TBC1D26: variants seen among roughly 807,000 people sequenced by gnomAD.
TBC1D26 encodes TBC1 domain family, member 26.
TBC1D26 carries 19 observed loss-of-function variants against 42.5 expected under a neutral mutation model. That is an observed-to-expected ratio of 0.45 (90% confidence interval 0.31 to 0.66). The LOEUF is 0.66. Among genes scored for constraint, TBC1D26 ranks in the 30% least tolerant of loss-of-function variants. The probability of loss-of-function intolerance (pLI) is 0.06; values close to 1 mark genes in which losing one functional copy is unlikely to be tolerated. For missense variants in TBC1D26, 228 were observed against 332.6 expected (o/e 0.69, Z 2.45); for synonymous variants, 97 against 123.5 (o/e 0.79, Z 1.42).
chr17:15,736,482 A>C (rs1967617410), intron 4 of TBC1D26: 3 of 151,596 alleles, frequency 2.0e-5, no homozygotes, highest in Admixed American at 1.3e-4. Context: ...TCAGTGGGGG[A>C]ACTTGGTCAG....
intron 9 of TBC1D26, 33 bp downstream of exon 9, chr17:15,740,181 C>T (rs780594155): frequency 2.5e-6 from 4 of 1,614,146 alleles, no homozygotes; most frequent in Non-Finnish European, 3.4e-6. Context: ...ATTCCTGGGA[C>T]ATGTGCCCAT....
At chr17:15,739,383 G>T (rs1163109078) in intron 8 of TBC1D26, among the ~76,000 whole-genome samples, 2 of 152,368 alleles carry the variant, frequency 1.3e-5, no homozygotes, top group East Asian at 3.9e-4. Flanking sequence ...AGTAAAACCC[G>T]CATGTGACGT....
rs1967791354 is a variant in TBC1D26, at chr17:15,741,831, G to A, written c.647-111G>A. The A allele has an allele frequency of 4.0e-6, 4 of 988,094 alleles. No homozygotes were observed. The South Asian group carries it at 4.6e-5, about 11-fold the overall frequency. The allele number at this position is 988,094 out of a possible 1,614,324, so 61.2% of individuals were successfully genotyped here. A position where few individuals can be genotyped will look rare whatever the true frequency, so the allele number is the denominator to read the frequency against. ...TACATGCTGGGGTCACCACATGGGA[G>A]GGAGGGAGGCCTCGGGGTCTGGGGT... On this transcript the variant is annotated intron_variant, in intron 10 of 14. Transcript: ENST00000437605.
chr17:15,740,599 G>A (rs1967751314), intron 9 of TBC1D26: 11 of 1,089,218 alleles, frequency 1.0e-5, no homozygotes, highest in East Asian at 6.9e-5. Context: ...GGTCACCCAG[G>A]TGGCTGTTCC....
chr17:15,741,431 G>C (rs62072380), intron 10 of TBC1D26: 290,811 of 773,752 alleles, frequency 0.38, 56,470 homozygotes, highest in Middle Eastern at 0.41. Flanking sequence ...AAGTCAGACG[G>C]CTTTCATCCC....
chr17:15,734,836 T>G (rs2151497044), intron 1 of TBC1D26, 94 bp from the exon 2 acceptor site: 1 of 179,506 alleles, frequency 5.6e-6, no homozygotes, highest in East Asian at 1.7e-4. Flanking sequence ...ACCAAACTGC[T>G]TGGCTGGCGT....
chr17:15,733,639 C>T (rs1884913973), intron 1 of TBC1D26: 1 of 152,288 alleles, frequency 6.6e-6, no homozygotes, highest in South Asian at 2.1e-4. Flanking sequence ...TGGCCAGAGA[C>T]GCTGCTCGTG....
Position 15,738,001 on chromosome 17 carries a change from G to C in TBC1D26, c.203G>C (p.Arg68Thr), listed in dbSNP as rs1467047721. ...CCATCATGGCTCATTTGACAGCAAAGACGCAAGGAAAGTAAACGTACCAAC... is the reference window on the plus strand; with the variant it reads ...CCATCATGGCTCATTTGACAGCAAACACGCAAGGAAAGTAAACGTACCAAC... ...PHVSALEVKQ[R>T]RKESKRTNKW... The change falls in exon 6 of 15, where the codon AGA (arginine) becomes ACA (threonine). Residue 68 changes from arginine to threonine, a missense_variant. Arg to Thr is a moderately conservative substitution (Grantham distance 71). Transcript: ENST00000437605. The C allele has an allele frequency of 6.2e-7, 1 of 1,613,996 alleles. No homozygotes were observed. The highest frequency in any genetic ancestry group is 8.5e-7 in the Non-Finnish European group (1 of 1,179,984).
At chr17:15,741,047 TG>T in intron 9 of TBC1D26, 74 bp from the exon 10 acceptor site, 9 of 1,584,706 alleles carry the variant, frequency 5.7e-6, no homozygotes, top group Non-Finnish European at 3.4e-6. Flanking sequence ...GTGCCACCTC[TG>T]GTGACATAAG....
intron 1 of TBC1D26, among the ~76,000 whole-genome samples, chr17:15,734,388 G>A (rs1180222676): frequency 1.1e-4 from 17 of 152,148 alleles, no homozygotes; most frequent in Admixed American, 1.1e-3. Flanking sequence ...CCTAAAGTGC[G>A]ATCACTGATG....
At chr17:15,737,362 C>T (rs1285834128) in intron 4 of TBC1D26, 122 bp from the exon 5 acceptor site, 5 of 1,271,776 alleles carry the variant, frequency 3.9e-6, no homozygotes, top group Non-Finnish European at 5.5e-6. Context: ...TTCTCTGTGC[C>T]TTGTCCCAGG....
chr17:15,741,586 G>A (rs1967781932), intron 10 of TBC1D26: 5 of 461,310 alleles, frequency 1.1e-5, no homozygotes, highest in Non-Finnish European at 2.0e-5. Context: ...CCTCCCTACA[G>A]ATGGGCCAAC....
chr17:15,738,046 C>T lies in TBC1D26; in HGVS notation c.248C>T (p.Ala83Val), dbSNP rs776426863. 3.1e-6 allele frequency: 5 copies of T among 1,614,216 alleles called. No individual in the cohort carries two copies. ...ACCAACAAGTGGCAAAAGATGCTTG[C>T]AGACTGGACAAAATATAGGAGCACC... The part of the protein sequence containing the change: ...KRTNKWQKML[A>V]DWTKYRSTKK... Residue 83 changes from alanine to valine, a missense_variant, in exon 6 of 15, where the codon GCA becomes GTA. Coordinates refer to ENST00000437605, the MANE Select transcript of TBC1D26 (RefSeq NM_001388465.1).
At chr17:15,743,893 A>G (rs117741108) in intron 14 of TBC1D26, 3,490 of 151,564 alleles carry the variant, frequency 0.023, 82 homozygotes, top group Non-Finnish European at 0.035. Flanking sequence ...AGGAGGCGGG[A>G]CTTGCAGTCA....
intron 4 of TBC1D26, among the ~76,000 whole-genome samples, chr17:15,736,881 G>A (rs1340555906): frequency 2.6e-5 from 4 of 152,290 alleles, no homozygotes; most frequent in Non-Finnish European, 4.4e-5. Flanking sequence ...CAGGGTGGCC[G>A]GAGAGAGGGT....
rs1266582307 is a variant in TBC1D26, at chr17:15,742,978, A to G, written c.877A>G (p.Met293Val). 6.5e-6 allele frequency: 1 copy of G among 153,792 alleles called. No homozygotes were observed. Among genetic ancestry groups the G allele is most frequent in the East Asian group, 1.9e-4 (1 of 5,194 alleles). 9.5% of individuals were successfully genotyped at this position (153,792 alleles called of 1,614,324 possible). The change falls in exon 13 of 15, where the codon ATG becomes GTG. Residue 293 changes from methionine to valine, a missense_variant. By Grantham distance (21) the Met-to-Val change is conservative (BLOSUM62 1). Coordinates refer to ENST00000437605, the MANE Select transcript of TBC1D26 (RefSeq NM_001388465.1). Reference sequence around the variant, plus strand: ...GGAGGGCGCGCGGGTACTGACAGCCATGGTGCATGCATCATTCAAAATACA... The same window carrying G: ...GGAGGGCGCGCGGGTACTGACAGCCGTGGTGCATGCATCATTCAAAATACA... ...ILEGARVLTA[M>V]VHASFKIHRK...
intron 10 of TBC1D26, 40 bp downstream of exon 10, chr17:15,741,261 C>CG: frequency 6.2e-7 from 1 of 1,611,570 alleles, no homozygotes; most frequent in South Asian, 1.1e-5. Flanking sequence ...CAGCTGCCCC[C>CG]GGGGCCTTAC....
intron 14 of TBC1D26, 105 bp from the exon 15 acceptor site, chr17:15,744,138 C>T (rs1967861445): frequency 6.6e-6 from 1 of 152,114 alleles, no homozygotes; most frequent in Non-Finnish European, 1.5e-5. Flanking sequence ...AAGGTCCACC[C>T]CCACCTCGTG....
chr17:15,740,372 C>T, intron 9 of TBC1D26: 1 of 1,463,434 alleles, frequency 6.8e-7, no homozygotes, highest in South Asian at 1.4e-5. Context: ...CCTTCCCCTC[C>T]TGGTGTTGCC....
Sources: gnomAD v4.1 joint callset for allele counts (sites outside exome capture counted in the v4.1 genomes callset) on GRCh38, gnomAD v4.1.1 for gene constraint, MANE v1.5 for transcripts, NCBI Gene and HGNC (gene_info 2026-07-23, HGNC 2026-07-21) for gene names.